The following SBF2 variants were observed in gnomAD, a reference collection of about 807,000 sequenced individuals.
The protein encoded by SBF2 is myotubularin-related protein 13.
In SBF2, 112 loss-of-function variants were observed where a neutral mutation model predicts 225.2. That is an observed-to-expected ratio of 0.50 (90% CI 0.43 to 0.58). The LOEUF (loss-of-function observed/expected upper bound fraction) is 0.58. SBF2 is among the 20% of genes least tolerant of loss of function. The probability of loss-of-function intolerance (pLI) is 0.00; values close to 1 mark genes in which losing one functional copy is unlikely to be tolerated. For synonymous variants in SBF2, 763 were observed against 773.3 expected (o/e 0.99, Z 0.22); for missense variants, 1,996 against 2,206.2 (o/e 0.90, Z 1.91).
chr11:9,992,382 A>G, intron 12 of SBF2, 33 bp downstream of exon 12: 3 of 1,584,426 alleles, frequency 1.9e-6, no homozygotes, highest in Non-Finnish European at 2.6e-6. Flanking sequence ...AATTATGTCT[A>G]TAAATAATGC....
At chr11:9,962,236 C>G in intron 15 of SBF2, 130 bp from the exon 16 acceptor site, 1 of 734,614 alleles carries the variant, frequency 1.4e-6, no homozygotes, top group Non-Finnish European at 2.3e-6. Context: ...AATTAAACTC[C>G]TAGGGAATAG....
At chr11:10,131,781 AGGT>A (rs1423769469) in intron 2 of SBF2, among the ~76,000 whole-genome samples, 4 of 152,238 alleles carry the variant, frequency 2.6e-5, no homozygotes, top group Non-Finnish European at 5.9e-5. Flanking sequence ...GTCTTTTGTC[AGGT>A]GGTGGTTTGC....
intron 2 of SBF2, among the ~76,000 whole-genome samples, chr11:10,104,471 T>C (rs1464324583): frequency 6.6e-6 from 1 of 152,160 alleles, no homozygotes; most frequent in African/African-American, 2.4e-5. Context: ...TCCCCAATAT[T>C]TGGAGAACAG....
intron 7 of SBF2, among the ~76,000 whole-genome samples, chr11:10,002,244 T>C (rs1009600186): frequency 2.6e-5 from 4 of 152,164 alleles, no homozygotes; most frequent in Non-Finnish European, 4.4e-5. Flanking sequence ...ATCTCTATCA[T>C]TATAACTTCT....
At chr11:9,972,649 T>C (rs1311909225) in intron 13 of SBF2, among the ~76,000 whole-genome samples, 2 of 151,800 alleles carry the variant, frequency 1.3e-5, no homozygotes, top group Non-Finnish European at 2.9e-5. Flanking sequence ...CCTGGCTAAT[T>C]CTTTTGTATT....
Position 9,827,466 on chromosome 11 carries a change from CT to C in SBF2, c.3793+1889del, listed in dbSNP as rs545042925. On this transcript the variant is annotated intron_variant, in intron 28 of 39. Transcript: ENST00000256190. The stretch of plus-strand genomic sequence containing the variant: ...ATTGCTCAAGCCCAGGAGTTGGAGG[CT>C]GCAGTTAGTTAGCTATGACAGTTCC... 1.2e-3 allele frequency among the ~76,000 whole-genome samples: 182 copies of C among 151,312 alleles called. 1 individual carries two copies. The highest frequency in any genetic ancestry group is 4.1e-3 in the African/African-American group (170 of 41,178).
At chr11:9,806,684 C>T (rs1461269045) in intron 32 of SBF2, among the ~76,000 whole-genome samples, 1 of 152,176 alleles carries the variant, frequency 6.6e-6, no homozygotes, top group East Asian at 1.9e-4. Context: ...TGAAATTCGT[C>T]AATCGGTCTT....
At chr11:10,084,689 C>T (rs1046993176) in intron 2 of SBF2, among the ~76,000 whole-genome samples, 1 of 152,092 alleles carries the variant, frequency 6.6e-6, no homozygotes, top group Non-Finnish European at 1.5e-5. Flanking sequence ...AACTAAGTGT[C>T]CATCAACGGA....
intron 1 of SBF2, among the ~76,000 whole-genome samples, chr11:10,205,402 G>C (rs190120271): frequency 6.6e-5 from 10 of 151,814 alleles, no homozygotes; most frequent in African/African-American, 2.4e-4. Context: ...AATAACACAG[G>C]AGGCAACCAA....
intron 13 of SBF2, among the ~76,000 whole-genome samples, chr11:9,976,048 C>T (rs1283446404): frequency 1.3e-5 from 2 of 148,376 alleles, no homozygotes; most frequent in Non-Finnish European, 3.0e-5. Flanking sequence ...TTATAAATCT[C>T]ATATTCTTCT....
intron 1 of SBF2, among the ~76,000 whole-genome samples, chr11:10,273,903 T>C (rs1019883357): frequency 2.0e-4 from 30 of 152,226 alleles, no homozygotes; most frequent in Non-Finnish European, 8.8e-5. Flanking sequence ...AAAGGCAAGA[T>C]GACCTTCATC....
At chr11:9,794,676 C>CAAAAAAAAAA (rs575749593) in intron 33 of SBF2, among the ~76,000 whole-genome samples, 862 of 35,352 alleles carry the variant, frequency 0.024, 330 homozygotes, top group Middle Eastern at 0.19. Flanking sequence ...GACTCCGTCT[C>CAAAAAAAAAA]AAAAAAAAAA....
chr11:10,277,622 T>C (rs576619135), intron 1 of SBF2, among the ~76,000 whole-genome samples: 1 of 152,298 alleles, frequency 6.6e-6, no homozygotes, highest in Admixed American at 6.5e-5. Context: ...TCTTTGCAGA[T>C]ATAGTTAAGG....
At chr11:10,162,821 G>A (rs1200976368) in intron 2 of SBF2, among the ~76,000 whole-genome samples, 1 of 152,154 alleles carries the variant, frequency 6.6e-6, no homozygotes, top group Non-Finnish European at 1.5e-5. Context: ...GACCTTTACA[G>A]ATCCAAGAAT....
At chr11:10,051,811 C>T (rs1950076171) in intron 2 of SBF2, among the ~76,000 whole-genome samples, 1 of 151,964 alleles carries the variant, frequency 6.6e-6, no homozygotes, top group African/African-American at 2.4e-5. Flanking sequence ...TTTTCAAATT[C>T]ACTGTATCAT....
Position 10,010,641 on chromosome 11 carries a change from T to A in SBF2, c.620-7952A>T, listed in dbSNP as rs1293203925. On this transcript the variant is annotated intron_variant, in intron 6 of 39. Coordinates refer to ENST00000256190, the MANE Select transcript of SBF2 (RefSeq NM_030962.4). ...TACCATGCTGTTTTGGTTACTGTAG[T>A]CTTGTAGTATAGTTTGAGGTCAGGT... 2.6e-5 allele frequency among the ~76,000 whole-genome samples: 4 copies of A among 152,260 alleles called. No individual in the cohort carries two copies. The East Asian group carries it at 5.8e-4, about 22-fold the overall frequency.
rs142897561 is a variant in SBF2 at position 10,065,668 on chromosome 11, C to T, written c.142-22687G>A. On this transcript the variant is annotated intron_variant, in intron 2 of 39. Transcript: ENST00000256190. ...GAAATTCTCTAAAAGACACAAACTACTGGCCAGGCACAGTGACGCACGCCT... is the reference window on the plus strand; with the variant it reads ...GAAATTCTCTAAAAGACACAAACTATTGGCCAGGCACAGTGACGCACGCCT... 6.5e-4 allele frequency among the ~76,000 whole-genome samples: 99 copies of T among 152,248 alleles called. No homozygotes were observed. In the East Asian group the frequency reaches 0.017, roughly 26 times the overall value.
chr11:9,807,709 G>A, intron 32 of SBF2: 1 of 443,870 alleles, frequency 2.3e-6, no homozygotes, highest in East Asian at 4.5e-5. Flanking sequence ...TTGTTCTTAG[G>A]TAATAAGCCC....
At chr11:9,922,446 A>G (rs1245410112) in intron 16 of SBF2, among the ~76,000 whole-genome samples, 1 of 152,202 alleles carries the variant, frequency 6.6e-6, no homozygotes, top group African/African-American at 2.4e-5. Context: ...TATAATTTAA[A>G]TAAGACTTTT....
Sources: allele counts gnomAD v4.1 joint callset (sites outside exome capture counted in the v4.1 genomes callset), GRCh38; gene constraint gnomAD v4.1.1; transcripts MANE v1.5; gene names NCBI Gene and HGNC (gene_info 2026-07-23, HGNC 2026-07-21).